The following CAMK1D variants were observed in gnomAD, a reference collection of about 807,000 sequenced individuals.
CAMK1D encodes the protein calcium/calmodulin-dependent protein kinase type 1D.
Under a neutral mutation model 47.7 loss-of-function variants are expected in CAMK1D, and 9 were observed. The observed-to-expected ratio is 0.19, with a 90% CI of 0.11 to 0.33. CAMK1D has a LOEUF of 0.33. Among genes scored for constraint, CAMK1D ranks in the 10% least tolerant of loss-of-function variants. The pLI, the probability that CAMK1D is intolerant of heterozygous loss-of-function variation, is 1.00. For synonymous variants in CAMK1D, 184 were observed against 184.9 expected (o/e 0.99, Z 0.04); for missense variants, 291 against 488.7 (o/e 0.60, Z 3.81).
chr10:12,364,234 T>G (rs536438867), intron 1 of CAMK1D, among the ~76,000 whole-genome samples: 105 of 133,888 alleles, frequency 7.8e-4, no homozygotes, highest in African/African-American at 2.7e-3. Context: ...CAATGCGCAT[T>G]CTCTTTTTTT....
At chr10:12,707,524 C>T (rs554985262) in intron 3 of CAMK1D, among the ~76,000 whole-genome samples, 1 of 152,204 alleles carries the variant, frequency 6.6e-6, no homozygotes, top group Non-Finnish European at 1.5e-5. Flanking sequence ...GTGGCCAAAG[C>T]CTGCGGAGGA....
intron 2 of CAMK1D, among the ~76,000 whole-genome samples, chr10:12,580,409 C>T (rs996283765): frequency 6.7e-6 from 1 of 149,598 alleles, no homozygotes; most frequent in African/African-American, 2.5e-5. Flanking sequence ...CCCCTTGTCT[C>T]CCGGGTGACA....
intron 3 of CAMK1D, among the ~76,000 whole-genome samples, chr10:12,674,617 T>TTTTTTTTTTTC: frequency 6.9e-6 from 1 of 145,320 alleles, no homozygotes; most frequent in African/African-American, 2.5e-5. Flanking sequence ...TTTTTTTTTT[T>TTTTTTTTTTTC]CAGAATTCTG....
At chr10:12,572,705 C>T (rs938195144) in intron 2 of CAMK1D, among the ~76,000 whole-genome samples, 4 of 152,136 alleles carry the variant, frequency 2.6e-5, no homozygotes, top group Non-Finnish European at 5.9e-5. Context: ...GATCACAGCT[C>T]ATTGTAGCCT....
chr10:12,759,684 G>A (rs1333072742), intron 3 of CAMK1D, among the ~76,000 whole-genome samples: 20 of 151,894 alleles, frequency 1.3e-4, no homozygotes, highest in Admixed American at 1.2e-3. Flanking sequence ...AGTTTGCCTT[G>A]GAAATGAAAC....
intron 2 of CAMK1D, among the ~76,000 whole-genome samples, chr10:12,594,834 G>A (rs913129460): frequency 2.6e-5 from 4 of 152,178 alleles, no homozygotes; most frequent in Non-Finnish European, 4.4e-5. Flanking sequence ...CAAGTCCCAG[G>A]AAGTGGTTGA....
At chr10:12,542,675 T>C (rs902881018) in intron 1 of CAMK1D, among the ~76,000 whole-genome samples, 13 of 152,226 alleles carry the variant, frequency 8.5e-5, no homozygotes, top group African/African-American at 1.4e-4. Context: ...GAGGCTACAT[T>C]TTTGACCATT....
chr10:12,578,101 G>T (rs918743141), intron 2 of CAMK1D, among the ~76,000 whole-genome samples: 1 of 152,056 alleles, frequency 6.6e-6, no homozygotes, highest in Non-Finnish European at 1.5e-5. Flanking sequence ...TTTAGACAGG[G>T]TCTTGCACTA....
intron 1 of CAMK1D, among the ~76,000 whole-genome samples, chr10:12,449,631 A>C (rs900786938): frequency 2.0e-5 from 3 of 152,224 alleles, no homozygotes; most frequent in African/African-American, 7.2e-5. Context: ...TACGATGTAT[A>C]CATATATCAA....
intron 3 of CAMK1D, among the ~76,000 whole-genome samples, chr10:12,695,418 A>G (rs956969669): frequency 1.3e-5 from 2 of 152,110 alleles, no homozygotes; most frequent in Non-Finnish European, 2.9e-5. Flanking sequence ...CGTGCCCTTC[A>G]TAGGCCAGCT....
At chr10:12,541,034 C>T (rs1030807665) in intron 1 of CAMK1D, among the ~76,000 whole-genome samples, 2 of 151,568 alleles carry the variant, frequency 1.3e-5, no homozygotes, top group African/African-American at 4.9e-5. Flanking sequence ...TTAAAAGACA[C>T]ATTTTAATGA....
chr10:12,807,584 C>T (rs542127975), intron 6 of CAMK1D, among the ~76,000 whole-genome samples: 2 of 152,322 alleles, frequency 1.3e-5, no homozygotes, highest in Admixed American at 6.5e-5. Flanking sequence ...GAGCAGGCAG[C>T]GTCCACTGAA....
intron 5 of CAMK1D, among the ~76,000 whole-genome samples, chr10:12,787,422 A>G (rs1837777072): frequency 6.6e-6 from 1 of 152,192 alleles, no homozygotes; most frequent in Non-Finnish European, 1.5e-5. Context: ...GTTCTTTTAA[A>G]GAGTCCTCCC....
chr10:12,802,467 T>G (rs190921395), intron 6 of CAMK1D, among the ~76,000 whole-genome samples: 201 of 152,322 alleles, frequency 1.3e-3, no homozygotes, highest in African/African-American at 4.8e-3. Flanking sequence ...AAATGCAGAC[T>G]GGGTAGAACA....
intron 3 of CAMK1D, among the ~76,000 whole-genome samples, chr10:12,693,909 A>T (rs1280241631): frequency 2.7e-5 from 3 of 110,904 alleles, no homozygotes; most frequent in African/African-American, 1.0e-4. Context: ...ATATATATAT[A>T]ATATATATAA....
At chr10:12,547,673 T>TTC (rs1296013771) in intron 1 of CAMK1D, among the ~76,000 whole-genome samples, 78 of 117,708 alleles carry the variant, frequency 6.6e-4, no homozygotes, top group African/African-American at 4.4e-4. Flanking sequence ...CTCTCTCTCT[T>TTC]TCTCTCTCTC....
intron 1 of CAMK1D, among the ~76,000 whole-genome samples, chr10:12,464,438 C>T (rs951306665): frequency 3.3e-5 from 5 of 152,142 alleles, no homozygotes; most frequent in Admixed American, 6.5e-5. Context: ...ACCATTTGAT[C>T]GTGTGGCTTT....
chr10:12,735,445 T>G (rs938722768), intron 3 of CAMK1D, among the ~76,000 whole-genome samples: 1 of 152,044 alleles, frequency 6.6e-6, no homozygotes, highest in African/African-American at 2.4e-5. Flanking sequence ...GCCACTGCAC[T>G]CCAGCCTGGG....
chr10:12,698,598 G>A (rs1178948780), intron 3 of CAMK1D, among the ~76,000 whole-genome samples: 4 of 152,006 alleles, frequency 2.6e-5, no homozygotes, highest in Admixed American at 1.3e-4. Flanking sequence ...AAGAACTGAG[G>A]GTCCTGGGAA....
Sources: allele counts gnomAD v4.1 joint callset (sites outside exome capture counted in the v4.1 genomes callset), GRCh38; gene constraint gnomAD v4.1.1; transcripts MANE v1.5; gene names NCBI Gene and HGNC (gene_info 2026-07-23, HGNC 2026-07-21).